Variants in SNX30 observed in about 807,000 individuals in gnomAD.
SNX30 encodes the protein sorting nexin-30.
In SNX30, 24 loss-of-function variants were observed where a neutral mutation model predicts 46.4. The ratio of observed to expected loss-of-function variants is 0.52; its 90% CI spans 0.37 to 0.73. SNX30 has a LOEUF of 0.73. SNX30 is among the 30% of genes least tolerant of loss of function. The pLI is 0.00. For synonymous variants in SNX30, 189 were observed against 211.5 expected, an observed-to-expected ratio of 0.89 and a Z score of 0.92; for missense variants, 533 against 555.7, an observed-to-expected ratio of 0.96 and a Z score of 0.41.
In SNX30 at chr9:112,834,843, AACACACACACAC is replaced by A. The variant is rs79118828; in HGVS notation, c.619-1342_619-1331del. Reference sequence around the variant, plus strand: ...CGTGGATTAAACACACACACACACAAACACACACACACACACACACACACACACACACACACA... The same window carrying A: ...CGTGGATTAAACACACACACACACAAACACACACACACACACACACACACA... On this transcript the variant is annotated intron_variant, in intron 4 of 8. Coordinates refer to ENST00000374232, the MANE Select transcript of SNX30 (RefSeq NM_001012994.2). Among the ~76,000 whole-genome samples the A allele has an allele frequency of 3.5e-3, 277 of 78,414 alleles. 1 individual carries two copies. Among genetic ancestry groups the A allele is most frequent in the African/African-American group, 0.012 (258 of 21,472 alleles). The allele number at this position is 78,414 out of a possible 152,430, so 51.4% of individuals were successfully genotyped here. A position where few individuals can be genotyped will look rare whatever the true frequency, so the allele number is the denominator to read the frequency against.
At chr9:112,769,507 A>G (rs1243387478) in intron 1 of SNX30, among the ~76,000 whole-genome samples, 1 of 152,196 alleles carries the variant, frequency 6.6e-6, no homozygotes, top group African/African-American at 2.4e-5. Context: ...GTAGCTTGGC[A>G]TGGACCAGGC....
chr9:112,838,164 A>G (rs936896317), intron 5 of SNX30, among the ~76,000 whole-genome samples: 5 of 152,140 alleles, frequency 3.3e-5, no homozygotes, highest in Non-Finnish European at 7.3e-5. Context: ...TGCTGGGATT[A>G]CAGGTATGAG....
chr9:112,839,240 C>T (rs1325497951), intron 6 of SNX30, among the ~76,000 whole-genome samples: 4 of 152,126 alleles, frequency 2.6e-5, no homozygotes, highest in African/African-American at 7.2e-5. Flanking sequence ...AGAAATAATA[C>T]AAGAAAGTCC....
At chr9:112,769,850 C>G (rs1839617503) in intron 1 of SNX30, among the ~76,000 whole-genome samples, 1 of 152,162 alleles carries the variant, frequency 6.6e-6, no homozygotes, top group Admixed American at 6.5e-5. Flanking sequence ...GCATGTCAAG[C>G]TAGTTATCTA....
intron 7 of SNX30, among the ~76,000 whole-genome samples, chr9:112,855,693 C>T (rs1001400320): frequency 6.6e-6 from 1 of 152,094 alleles, no homozygotes; most frequent in Admixed American, 6.6e-5. Context: ...CAAAGTTTTG[C>T]ATTGTGGTTG....
At chr9:112,758,215 AC>A (rs1194003830) in intron 1 of SNX30, among the ~76,000 whole-genome samples, 2 of 151,298 alleles carry the variant, frequency 1.3e-5, no homozygotes, top group Non-Finnish European at 2.9e-5. Context: ...CCCACCTGCC[AC>A]CCCCCATCCT....
chr9:112,829,482 A>G (rs1840628970), intron 3 of SNX30, among the ~76,000 whole-genome samples: 1 of 152,168 alleles, frequency 6.6e-6, no homozygotes, highest in South Asian at 2.1e-4. Flanking sequence ...TGGTTTCACC[A>G]TGTTGCCCAG....
At chr9:112,838,968 G>A (rs2131461035) in intron 6 of SNX30, among the ~76,000 whole-genome samples, 1 of 152,234 alleles carries the variant, frequency 6.6e-6, no homozygotes, top group Admixed American at 6.5e-5. Context: ...TAAGAACAAA[G>A]ATGCCATGGA....
At chr9:112,834,404 A>G (rs1840716008) in intron 4 of SNX30, among the ~76,000 whole-genome samples, 1 of 152,194 alleles carries the variant, frequency 6.6e-6, no homozygotes, top group Non-Finnish European at 1.5e-5. Flanking sequence ...TTAATTTGCT[A>G]GAGCAATTCA....
At chr9:112,763,547 T>C (rs1421671148) in intron 1 of SNX30, among the ~76,000 whole-genome samples, 3 of 151,478 alleles carry the variant, frequency 2.0e-5, no homozygotes, top group Non-Finnish European at 4.4e-5. Flanking sequence ...TTAAAAGAAT[T>C]ATTTGTTAAA....
In SNX30 at chr9:112,870,842, T is replaced by A. The variant is rs1243295382; in HGVS notation, c.*1999T>A. 6.6e-6 allele frequency: 1 copy of A among 152,238 alleles called. No individual in the cohort carries two copies. The highest frequency in any genetic ancestry group is 2.4e-5 in the African/African-American group (1 of 41,456). The allele number at this position is 152,238 out of a possible 1,614,324, so 9.4% of individuals were successfully genotyped here. A position where few individuals can be genotyped will look rare whatever the true frequency, so the allele number is the denominator to read the frequency against. On this transcript the variant is annotated 3_prime_UTR_variant, in exon 9 of 9. Transcript: ENST00000374232. ...CTCATCTTTGGGAACATAGGAAGCT[T>A]TACCTTGGGGAAGGTATGCTTTACA... is the stretch of plus-strand genomic sequence containing the variant.
At chr9:112,851,662 C>A (rs74307744) in intron 7 of SNX30, among the ~76,000 whole-genome samples, 4,307 of 152,272 alleles carry the variant, frequency 0.028, 204 homozygotes, top group South Asian at 0.18. Flanking sequence ...AAGAGTAATT[C>A]GTGCAGAACT....
At chr9:112,862,994 C>T (rs955340535) in intron 7 of SNX30, among the ~76,000 whole-genome samples, 1 of 152,150 alleles carries the variant, frequency 6.6e-6, no homozygotes, top group Non-Finnish European at 1.5e-5. Flanking sequence ...CCTGGTTTCA[C>T]CCATGTCTAG....
intron 3 of SNX30, 68 bp from the exon 4 acceptor site, chr9:112,830,657 C>A: frequency 1.4e-6 from 2 of 1,461,512 alleles, no homozygotes; most frequent in South Asian, 1.3e-5. Context: ...GAACTGTGTG[C>A]TAGCCTGGTT....
At chr9:112,769,359 G>A (rs551766612) in intron 1 of SNX30, among the ~76,000 whole-genome samples, 1 of 152,302 alleles carries the variant, frequency 6.6e-6, no homozygotes, top group South Asian at 2.1e-4. Context: ...CTGGCACTTG[G>A]CATCACTTCT....
intron 1 of SNX30, among the ~76,000 whole-genome samples, chr9:112,759,990 C>T (rs146823533): frequency 2.0e-4 from 31 of 152,252 alleles, no homozygotes; most frequent in African/African-American, 7.0e-4. Flanking sequence ...TGATATTGTA[C>T]TCTCCACATT....
At chr9:112,879,834 C>G, downstream of SNX30, 1 of 1,609,802 alleles carries the variant, frequency 6.2e-7, no homozygotes, top group Non-Finnish European at 8.5e-7. Flanking sequence ...AAGAATTGAC[C>G]ATAGAGAGTT....
rs139480406 is a variant in SNX30 at position 112,825,411 on chromosome 9, C to T, written c.460-5314C>T. Among the ~76,000 whole-genome samples, 241 of 152,236 alleles carry T rather than the reference C, an allele frequency of 1.6e-3. 2 individuals are homozygous for T. Among genetic ancestry groups the T allele is most frequent in the African/African-American group, 5.5e-3 (229 of 41,540 alleles). On this transcript the variant is annotated intron_variant, in intron 3 of 8. Coordinates refer to ENST00000374232, the MANE Select transcript of SNX30 (RefSeq NM_001012994.2). ...CTGGGTTCAAGCAATCCTCCCACCT[C>T]AGCCTCCACAGTAGCTGGGACTTCA... is the stretch of plus-strand genomic sequence containing the variant.
At chr9:112,818,280 CA>C (rs1424935200) in intron 3 of SNX30, among the ~76,000 whole-genome samples, 3 of 149,230 alleles carry the variant, frequency 2.0e-5, no homozygotes, top group East Asian at 4.0e-4. Flanking sequence ...CAGCTCACTG[CA>C]ACCTCCGACT....
Sources: allele counts gnomAD v4.1 joint callset (sites outside exome capture counted in the v4.1 genomes callset), GRCh38; gene constraint gnomAD v4.1.1; transcripts MANE v1.5; gene names NCBI Gene and HGNC (gene_info 2026-07-23, HGNC 2026-07-21).